OR1B1: variants seen among roughly 807,000 people sequenced by gnomAD.
The protein encoded by OR1B1 is olfactory receptor family 1 subfamily B member 1, also known as olfactory receptor 1B1.
For missense variants in OR1B1, 414 were observed against 402.1 expected (o/e 1.03, Z -0.25); for synonymous variants, 168 against 156.2 (o/e 1.08, Z -0.57).
At chr9:122,634,866 CAA>C in the OR1B1 span, among the ~76,000 whole-genome samples, 1 of 146,782 alleles carries the variant, frequency 6.8e-6, no homozygotes, top group Non-Finnish European at 1.5e-5. Context: ...TGCGGAATAA[CAA>C]GAAGAAATAA....
the OR1B1 span, among the ~76,000 whole-genome samples, chr9:122,650,585 G>T: frequency 6.6e-6 from 1 of 151,848 alleles, no homozygotes. Context: ...TTGGCCTCTG[G>T]AGTTCAATGT....
chr9:122,635,373 G>GA, the OR1B1 span, among the ~76,000 whole-genome samples: 1 of 152,090 alleles, frequency 6.6e-6, no homozygotes, highest in Non-Finnish European at 1.5e-5. Flanking sequence ...TCGGGGAAGG[G>GA]AAAAAATGAG....
At chr9:122,632,664 A>G (rs1276318392), upstream of OR1B1, among the ~76,000 whole-genome samples, 3 of 152,120 alleles carry the variant, frequency 2.0e-5, no homozygotes, top group Middle Eastern at 3.2e-3. Flanking sequence ...GAGTGAGAAC[A>G]TTCAATGTTT....
exon 1 of OR1B1, chr9:122,628,692 C>T: frequency 6.2e-7 from 1 of 1,613,884 alleles, no homozygotes; most frequent in Non-Finnish European, 8.5e-7. Context: ...GTATACATTA[C>T]TGAAGCCACC....
At chr9:122,651,392 G>A in the OR1B1 span, among the ~76,000 whole-genome samples, 2 of 152,174 alleles carry the variant, frequency 1.3e-5, no homozygotes, top group Admixed American at 6.5e-5. Flanking sequence ...TCATCCTGCA[G>A]TGCTATAGAA....
At chr9:122,641,108 G>T in the OR1B1 span, among the ~76,000 whole-genome samples, 2 of 152,148 alleles carry the variant, frequency 1.3e-5, no homozygotes, top group African/African-American at 4.8e-5. Flanking sequence ...ATATTCCTCA[G>T]TAGGTAACAA....
At chr9:122,637,643 C>T in the OR1B1 span, among the ~76,000 whole-genome samples, 1 of 152,182 alleles carries the variant, frequency 6.6e-6, no homozygotes, top group African/African-American at 2.4e-5. Context: ...CTCAAGCTTT[C>T]TTTAAGGCCT....
At chr9:122,646,965 C>T in the OR1B1 span, among the ~76,000 whole-genome samples, 5 of 152,054 alleles carry the variant, frequency 3.3e-5, no homozygotes, top group African/African-American at 1.2e-4. Context: ...TTTCTTTTTG[C>T]GTGTTAGTTT....
the OR1B1 span, among the ~76,000 whole-genome samples, chr9:122,648,257 C>A: frequency 6.6e-6 from 1 of 152,082 alleles, no homozygotes. Context: ...GTTCAACATA[C>A]GCAAATCAAT....
upstream of OR1B1, among the ~76,000 whole-genome samples, chr9:122,633,499 C>T (rs1830224853): frequency 6.6e-6 from 1 of 152,066 alleles, no homozygotes; most frequent in African/African-American, 2.4e-5. Flanking sequence ...AAATAATCAA[C>T]AGAATGAAAA....
chr9:122,656,577 C>A, the OR1B1 span, among the ~76,000 whole-genome samples: 1 of 152,138 alleles, frequency 6.6e-6, no homozygotes, highest in Non-Finnish European at 1.5e-5. Context: ...ATGGGATAAC[C>A]CTTGCCAAAT....
chr9:122,629,555 T>G (rs1382323025), exon 1 of OR1B1: 71 of 1,485,698 alleles, frequency 4.8e-5, no homozygotes, highest in Non-Finnish European at 6.2e-5. Flanking sequence ...TCAGCCTGCC[T>G]GAAAGACAGT....
At chr9:122,632,580 G>A (rs561996346), upstream of OR1B1, among the ~76,000 whole-genome samples, 40 of 151,224 alleles carry the variant, frequency 2.6e-4, no homozygotes, top group African/African-American at 7.8e-4. Context: ...CCCTTCCACC[G>A]CTTCCCCCAA....
At chr9:122,630,928 G>A (rs574594521), upstream of OR1B1, among the ~76,000 whole-genome samples, 82 of 152,106 alleles carry the variant, frequency 5.4e-4, no homozygotes, top group African/African-American at 1.7e-3. Context: ...GGCTAGTCTC[G>A]AACTCCTGAT....
chr9:122,633,920 C>A (rs1184967864), upstream of OR1B1, among the ~76,000 whole-genome samples: 1 of 111,276 alleles, frequency 9.0e-6, no homozygotes, highest in Non-Finnish European at 1.7e-5. Flanking sequence ...CAGGGTGAGA[C>A]TATGTCTCAA....
At chr9:122,635,033 C>G in the OR1B1 span, among the ~76,000 whole-genome samples, 1 of 152,152 alleles carries the variant, frequency 6.6e-6, no homozygotes, top group African/African-American at 2.4e-5. Context: ...CCTGGGTATA[C>G]ACCCGAAGGA....
At chr9:122,647,279 A>T in the OR1B1 span, among the ~76,000 whole-genome samples, 1 of 152,188 alleles carries the variant, frequency 6.6e-6, no homozygotes, top group African/African-American at 2.4e-5. Context: ...CTAGAAATCA[A>T]TAACAGGAGG....
chr9:122,631,062 C>T (rs1045166940), upstream of OR1B1, among the ~76,000 whole-genome samples: 11 of 152,062 alleles, frequency 7.2e-5, no homozygotes, highest in Non-Finnish European at 1.2e-4. Context: ...AGCTCTCACA[C>T]CCCTGCACAT....
chr9:122,633,292 A>T (rs1830222907), upstream of OR1B1, among the ~76,000 whole-genome samples: 1 of 152,210 alleles, frequency 6.6e-6, no homozygotes, highest in Non-Finnish European at 1.5e-5. Context: ...CCATTCACTA[A>T]ATCAACTCAA....
Sources: gnomAD v4.1 joint callset for allele counts (sites outside exome capture counted in the v4.1 genomes callset) on GRCh38, gnomAD v4.1.1 for gene constraint, MANE v1.5 for transcripts, NCBI Gene and HGNC (gene_info 2026-07-23, HGNC 2026-07-21) for gene names.